The following SH3BP5 variants were observed in gnomAD, a reference collection of about 807,000 sequenced individuals.
The protein encoded by SH3BP5 is SH3 domain-binding protein 5.
A neutral mutation model predicts 43.3 loss-of-function variants in SH3BP5; 22 were observed. The observed-to-expected ratio is 0.51, with a 90% confidence interval of 0.36 to 0.73. The LOEUF (loss-of-function observed/expected upper bound fraction) is 0.73. Ranked by LOEUF, SH3BP5 falls within the 30% of genes least tolerant of loss-of-function variation. The pLI is 0.00. For missense variants in SH3BP5, 529 were observed against 586.9 expected, an observed-to-expected ratio of 0.90 and a Z score of 1.02; for synonymous variants, 255 against 225.8, an observed-to-expected ratio of 1.13 and a Z score of -1.16.
In SH3BP5 at chr3:15,269,818, A is replaced by G. The variant is rs1287467; in HGVS notation, c.390T>C (p.Arg130=). 1,053,725 of 1,605,600 alleles carry G rather than the reference A, an allele frequency of 0.66. 356,041 individuals are homozygous for G. The highest frequency in any genetic ancestry group is 0.7 in the Non-Finnish European group (816,811 of 1,174,288). The change falls in exon 4 of 9, where the codon CGT becomes CGC. Residue 130 remains arginine (R), a synonymous_variant. Coordinates refer to ENST00000383791, the MANE Select transcript of SH3BP5 (RefSeq NM_004844.5). ...QDFQRATEVL[R]AAKETISLAE... is the part of the protein sequence containing the mutation. ...CCAGGGAGATGGTCTCCTTGGCGGCACGGAGCACCTCTGTGGCCCTCTGGA... is the reference window on the plus strand; with the variant it reads ...CCAGGGAGATGGTCTCCTTGGCGGCGCGGAGCACCTCTGTGGCCCTCTGGA...
Position 15,332,369 on chromosome 3 carries a change from C to T in SH3BP5, c.40G>A (p.Ala14Thr). ...ALKRSRSEEPAEILPPARDEE... is the reference protein window; with the variant it reads ...ALKRSRSEEPTEILPPARDEE... The stretch of plus-strand genomic sequence containing the variant: ...TCCCGGGCAGGCGGCAGGATTTCGG[C>T]TGGCTCCTCCGAGCGGCTCCGCTTC... The change falls in exon 1 of 9, where the codon GCC becomes ACC. Residue 14 changes from alanine (A) to threonine (T), a missense_variant. Physicochemically the swap from Ala to Thr is moderately conservative, Grantham distance 58. Around this residue, in one of 3 missense-constraint regions of SH3BP5, gnomAD observed 75 missense variants for 61.8 expected, o/e 1.21. Coordinates refer to ENST00000383791, the MANE Select transcript of SH3BP5 (RefSeq NM_004844.5). The T allele has an allele frequency of 6.5e-7, 1 of 1,539,760 alleles. No individual in the cohort carries two copies. The highest frequency in any genetic ancestry group is 2.4e-5 in the East Asian group (1 of 40,954).
chr3:15,311,388 C>A (rs1209142959), intron 2 of SH3BP5, among the ~76,000 whole-genome samples: 2 of 152,066 alleles, frequency 1.3e-5, no homozygotes, highest in Admixed American at 6.5e-5. Flanking sequence ...CATGGCAAAA[C>A]CCCATCTCTA....
chr3:15,305,798 G>T (rs1000105699), intron 2 of SH3BP5, among the ~76,000 whole-genome samples: 2 of 152,128 alleles, frequency 1.3e-5, no homozygotes, highest in African/African-American at 4.8e-5. Flanking sequence ...ACAGCAACTA[G>T]CAACTTGGAC....
At chr3:15,278,270 C>T (rs931731978) in intron 3 of SH3BP5, among the ~76,000 whole-genome samples, 5 of 152,220 alleles carry the variant, frequency 3.3e-5, no homozygotes, top group Admixed American at 1.3e-4. Flanking sequence ...CCAACCCAAC[C>T]GAGGAAGATC....
chr3:15,262,883 A>G (rs1696501144), intron 4 of SH3BP5, among the ~76,000 whole-genome samples: 1 of 151,442 alleles, frequency 6.6e-6, no homozygotes, highest in African/African-American at 2.4e-5. Flanking sequence ...ACCTGAACCC[A>G]GGAGATGAAG....
At chr3:15,259,856 G>A (rs2291853) in intron 5 of SH3BP5, 53 bp from the exon 6 acceptor site, 914,378 of 1,523,310 alleles carry the variant, frequency 0.6, 280,116 homozygotes, top group African/African-American at 0.85. Context: ...AGTGACCACA[G>A]TCAACTCCAC....
intron 4 of SH3BP5, 84 bp downstream of exon 4, chr3:15,269,629 A>G: frequency 2.2e-6 from 3 of 1,384,294 alleles, no homozygotes; most frequent in Non-Finnish European, 2.9e-6. Context: ...CATGCCTGGG[A>G]GTCGAGTCTG....
intron 2 of SH3BP5, among the ~76,000 whole-genome samples, chr3:15,329,164 T>C (rs936742635): frequency 4.0e-5 from 6 of 151,660 alleles, no homozygotes; most frequent in African/African-American, 1.5e-4. Context: ...AAAAAAAAAT[T>C]TTAATTAAAT....
At chr3:15,312,355 A>G (rs187955567) in intron 2 of SH3BP5, among the ~76,000 whole-genome samples, 1 of 152,344 alleles carries the variant, frequency 6.6e-6, no homozygotes, top group East Asian at 1.9e-4. Flanking sequence ...TTAACATGTA[A>G]TAGGCTGATT....
At chr3:15,264,640 G>C (rs1696569906) in intron 4 of SH3BP5, 3 of 152,152 alleles carry the variant, frequency 2.0e-5, no homozygotes, top group African/African-American at 7.2e-5. Context: ...CTGGCACGAG[G>C]AGACATGCTT....
chr3:15,263,297 G>A (rs1397485917), intron 4 of SH3BP5, among the ~76,000 whole-genome samples: 1 of 152,184 alleles, frequency 6.6e-6, no homozygotes, highest in Non-Finnish European at 1.5e-5. Context: ...AATAGCAGCA[G>A]TGGGAACCTA....
At chr3:15,280,983 C>T (rs1192300683) in intron 3 of SH3BP5, among the ~76,000 whole-genome samples, 1 of 152,198 alleles carries the variant, frequency 6.6e-6, no homozygotes, top group East Asian at 1.9e-4. Flanking sequence ...TGCTTTATGC[C>T]GCACGGTGGC....
chr3:15,320,640 A>ACACACACACACACACACACACC lies in SH3BP5; in HGVS notation c.201+9863_201+9864insGGTGTGTGTGTGTGTGTGTGTG, dbSNP rs373879792. Among the ~76,000 whole-genome samples, 269 of 149,622 alleles carry ACACACACACACACACACACACC rather than the reference A, an allele frequency of 1.8e-3. 1 individual carries two copies. Among genetic ancestry groups the ACACACACACACACACACACACC allele is most frequent in the African/African-American group, 3.4e-3 (135 of 40,298 alleles). On this transcript the variant is annotated intron_variant, in intron 2 of 8. Coordinates refer to ENST00000383791, the MANE Select transcript of SH3BP5 (RefSeq NM_004844.5). ...CACACACACACACACACACACACACACCCCACTACGTTAAAGTCCCTACAA... is the reference window on the plus strand; with the variant it reads ...CACACACACACACACACACACACACACACACACACACACACACACACCCCCCACTACGTTAAAGTCCCTACAA...
At chr3:15,284,082 C>G (rs555542247) in intron 3 of SH3BP5, among the ~76,000 whole-genome samples, 23 of 152,310 alleles carry the variant, frequency 1.5e-4, no homozygotes, top group African/African-American at 5.1e-4. Context: ...ATTATCCCCC[C>G]TCTCCAGTGG....
chr3:15,307,455 G>T (rs958867601), intron 2 of SH3BP5, among the ~76,000 whole-genome samples: 1 of 152,172 alleles, frequency 6.6e-6, no homozygotes, highest in East Asian at 1.9e-4. Context: ...TTTCTGCAAG[G>T]CCCTAATCAG....
At chr3:15,320,640 A>ACACACACACACACACACACACACACCCC (rs373879792) in intron 2 of SH3BP5, among the ~76,000 whole-genome samples, 4 of 149,560 alleles carry the variant, frequency 2.7e-5, no homozygotes, top group African/African-American at 7.5e-5. Context: ...ACACACACAC[A>ACACACACACACACACACACACACACCCC]CCCCACTACG....
intron 2 of SH3BP5, among the ~76,000 whole-genome samples, chr3:15,319,046 T>C (rs1007043356): frequency 2.6e-5 from 4 of 152,250 alleles, no homozygotes; most frequent in African/African-American, 7.2e-5. Flanking sequence ...CTATCTGGAA[T>C]AGCCCAAGGG....
chr3:15,306,284 G>A (rs1002505418), intron 2 of SH3BP5, among the ~76,000 whole-genome samples: 3 of 152,138 alleles, frequency 2.0e-5, no homozygotes, highest in East Asian at 1.9e-4. Context: ...GCGTGAACCC[G>A]GGAGGCGGAG....
chr3:15,335,650 G>C (rs1192254460), upstream of SH3BP5, among the ~76,000 whole-genome samples: 1 of 152,180 alleles, frequency 6.6e-6, no homozygotes, highest in Non-Finnish European at 1.5e-5. Context: ...TGTAAACACT[G>C]CCATTTTCTA....
Sources: gnomAD v4.1 joint callset for allele counts (sites outside exome capture counted in the v4.1 genomes callset) on GRCh38, gnomAD v4.1.1 for gene constraint, gnomAD v4.1.1 regional missense constraint, MANE v1.5 for transcripts, NCBI Gene and HGNC (gene_info 2026-07-23, HGNC 2026-07-21) for gene names.